The following NEB variants were observed in gnomAD, a reference collection of about 807,000 sequenced individuals.
NEB encodes the protein nemaline myopathy type 2.
NEB carries 512 observed loss-of-function variants against 952.2 expected under a neutral mutation model. That is an observed-to-expected ratio of 0.54 (90% confidence interval 0.50 to 0.58). The LOEUF (loss-of-function observed/expected upper bound fraction) is 0.58, where lower values mean the gene tolerates loss of function less well. Ranked by LOEUF, NEB falls within the 20% of genes least tolerant of loss-of-function variation. The pLI is 0.00. For synonymous variants in NEB, 2,900 were observed against 3,149.8 expected, an observed-to-expected ratio of 0.92 and a Z score of 2.66; for missense variants, 8,428 against 9,231.1, an observed-to-expected ratio of 0.91 and a Z score of 3.56.
At chr2:151,689,861 G>A (rs1032624513) in intron 24 of NEB, 4 of 152,202 alleles carry the variant, frequency 2.6e-5, no homozygotes, top group Non-Finnish European at 5.9e-5. Context: ...TGACTTCTGA[G>A]TTATACTGAT....
intron 129 of NEB, 61 bp downstream of exon 129, chr2:151,551,677 G>T: frequency 2.3e-6 from 3 of 1,303,548 alleles, no homozygotes; most frequent in East Asian, 2.3e-5. Context: ...AGCTCAGCTT[G>T]CTTCCACAGA....
intron 71 of NEB, among the ~76,000 whole-genome samples, chr2:151,622,555 GCT>G (rs1431879885): frequency 1.3e-5 from 2 of 151,874 alleles, no homozygotes; most frequent in Admixed American, 1.3e-4. Flanking sequence ...GCTTTCTCTA[GCT>G]CTCTCTTTAT....
intron 60 of NEB, among the ~76,000 whole-genome samples, chr2:151,642,271 A>G (rs1211799809): frequency 6.6e-6 from 1 of 152,252 alleles, no homozygotes; most frequent in African/African-American, 2.4e-5. Flanking sequence ...GCTCAATTGT[A>G]TATGAGAGAT....
intron 48 of NEB, among the ~76,000 whole-genome samples, chr2:151,657,127 G>A (rs2099093886): frequency 6.6e-6 from 1 of 152,264 alleles, no homozygotes; most frequent in Middle Eastern, 3.4e-3. Flanking sequence ...GGTTGCGTGT[G>A]CAAGTTGGGG....
chr2:151,611,449 G>T (rs1215993730), intron 78 of NEB, among the ~76,000 whole-genome samples: 1 of 152,142 alleles, frequency 6.6e-6, no homozygotes, highest in Admixed American at 6.6e-5. Flanking sequence ...GTATAAAAGA[G>T]TTTCTAGAGT....
In NEB at chr2:151,565,813, T is replaced by C; in HGVS notation, c.18164A>G (p.Tyr6055Cys). 6 of 1,607,084 alleles carry C rather than the reference T, an allele frequency of 3.7e-6. No individual in the cohort carries two copies. The highest frequency in any genetic ancestry group is 5.1e-6 in the Non-Finnish European group (6 of 1,175,712). ...KAYDLQSDNV[Y>C]RADLEWLRGI... Reference sequence around the variant, plus strand: ...TCGGAGCCACTCCAGGTCAGCTCTGTAGACATTCTGAGAGCAGGAAGAGAG... The same window carrying C: ...TCGGAGCCACTCCAGGTCAGCTCTGCAGACATTCTGAGAGCAGGAAGAGAG... The change falls in exon 115 of 182, where the codon TAC becomes TGC. Residue 6055 changes from tyrosine (Y) to cysteine (C), a missense_variant. Tyr to Cys is a radical substitution (Grantham distance 194, BLOSUM62 -2). This residue lies in a region of NEB where 3,374 missense variants were observed against 3,651.5 expected (regional missense o/e 0.92). Transcript: ENST00000397345.
chr2:151,626,583 CTGG>C (rs1656486773), intron 70 of NEB, among the ~76,000 whole-genome samples: 1 of 151,906 alleles, frequency 6.6e-6, no homozygotes, highest in African/African-American at 2.4e-5. Context: ...GTCGCCCAGG[CTGG>C]AGTGCAGTGG....
chr2:151,725,021 G>C (rs1236255378), intron 6 of NEB, 60 bp from the exon 7 acceptor site: 2 of 1,312,882 alleles, frequency 1.5e-6, no homozygotes, highest in Non-Finnish European at 2.2e-6. Context: ...GTATATTAAG[G>C]AATTTCTTAT....
rs761668198 is a variant in NEB, at chr2:151,609,888, T to C, written c.12251A>G (p.Asn4084Ser). 5.0e-6 allele frequency: 8 copies of C among 1,613,570 alleles called. No homozygotes were observed. The highest frequency in any genetic ancestry group is 1.7e-4 in the Middle Eastern group (1 of 6,058). ...QTLVTDIDYR[N>S]YLHEWTCMPD... ...CATGCATGTCCATTCATGCAGGTAATTGCGATAATCAATGTCAGTGACCAA... is the reference window on the plus strand; with the variant it reads ...CATGCATGTCCATTCATGCAGGTAACTGCGATAATCAATGTCAGTGACCAA... The change falls in exon 81 of 182, where the codon AAT becomes AGT. Residue 4084 changes from asparagine (N) to serine (S), a missense_variant. Physicochemically the swap from Asn to Ser is conservative, Grantham distance 46. Coordinates refer to ENST00000397345, the MANE Select transcript of NEB (RefSeq NM_001164508.2).
In NEB at chr2:151,490,086, AAGG is replaced by A. The variant is rs1296705502; in HGVS notation, c.25298-12_25298-10del. 9 of 1,590,172 alleles carry A rather than the reference AAGG, an allele frequency of 5.7e-6. No individual in the cohort carries two copies. The highest frequency in any genetic ancestry group is 1.4e-5 in the African/African-American group (1 of 73,990). ...TTTTGCATGTTTGTAAGCTGAAAAA[AAGG>A]GGGCAAATTCTTTATAAGAAGAAAA... On this transcript the variant is annotated splice_polypyrimidine_tract_variant and intron_variant, in intron 180 of 181. Transcript: ENST00000397345.
chr2:151,610,174 T>C (rs2153972785), intron 80 of NEB, 54 bp from the exon 81 acceptor site: 3 of 1,423,698 alleles, frequency 2.1e-6, no homozygotes, highest in East Asian at 4.6e-5. Context: ...CATGCTCATG[T>C]GCTGACAATT....
At chr2:151,532,204 C>A (rs945589430) in intron 143 of NEB, 6 of 226,354 alleles carry the variant, frequency 2.7e-5, no homozygotes, top group African/African-American at 1.4e-4. Flanking sequence ...TCAAGCAATT[C>A]TTCTGCCTCA....
intron 142 of NEB, among the ~76,000 whole-genome samples, chr2:151,534,656 A>C (rs1193507186): frequency 2.6e-5 from 4 of 152,230 alleles, no homozygotes; most frequent in Non-Finnish European, 5.9e-5. Context: ...CTACAGCTTT[A>C]CCAACTAAGG....
chr2:151,506,714 C>G (rs549650292), intron 163 of NEB, among the ~76,000 whole-genome samples, 195 bp downstream of exon 163: 38 of 152,228 alleles, frequency 2.5e-4, no homozygotes, highest in African/African-American at 8.9e-4. Flanking sequence ...ACGTTGTTAG[C>G]AGATTTAAAG....
chr2:151,535,650 G>T, intron 142 of NEB, 41 bp downstream of exon 142: 1 of 1,260,604 alleles, frequency 7.9e-7, no homozygotes, highest in Non-Finnish European at 1.1e-6. Flanking sequence ...CTTCTTTAGG[G>T]AATTGAATAG....
intron 164 of NEB, chr2:151,505,951 T>C: frequency 1.7e-6 from 1 of 589,158 alleles, no homozygotes; most frequent in East Asian, 2.8e-5. Context: ...CAAGCCTCTC[T>C]GTTTTTCAGA....
rs201515651 is a variant in NEB at position 151,553,455 on chromosome 2, G to A, written c.19674C>T (p.Tyr6558=). 136 of 1,613,700 alleles carry A rather than the reference G, an allele frequency of 8.4e-5. No homozygotes were observed. Among genetic ancestry groups the A allele is most frequent in the Non-Finnish European group, 1.0e-4 (122 of 1,179,700 alleles). Residue 6558 remains tyrosine (Y), a synonymous_variant, in exon 127 of 182, where the codon TAC becomes TAT. Coordinates refer to ENST00000397345, the MANE Select transcript of NEB (RefSeq NM_001164508.2). ...GGAGGATTTCAGGAGTGTCCCAGAC[G>A]TAGCAACCAATGCCTTTCAGCCAGT... ...DLNWLKGIGC[Y]VWDTPEILHA...
rs1460925488 is a variant in NEB, at chr2:151,535,697, C to G, written c.21306G>C (p.Met7102Ile). 2 of 1,596,476 alleles carry G rather than the reference C, an allele frequency of 1.3e-6. No homozygotes were observed. The highest frequency in any genetic ancestry group is 1.3e-5 in the African/African-American group (1 of 74,624). The change falls in exon 142 of 182, where the codon ATG (methionine) becomes ATC (isoleucine). Residue 7102 changes from methionine to isoleucine, a missense_variant. This residue lies in a region of NEB where 3,374 missense variants were observed against 3,651.5 expected (regional missense o/e 0.92). Coordinates refer to ENST00000397345, the MANE Select transcript of NEB (RefSeq NM_001164508.2). ...NRHFKYATQL[M>I]NERKYKSSAK... ...GCAGTTTATTCATACATACCTCATT[C>G]ATCAATTGAGTTGCATACTTGAAAT...
In NEB at chr2:151,619,752, T is replaced by C. The variant is rs1320194194; in HGVS notation, c.10571A>G (p.Lys3524Arg). The C allele has an allele frequency of 1.9e-6, 3 of 1,609,840 alleles. No individual in the cohort carries two copies. Among genetic ancestry groups the C allele is most frequent in the Middle Eastern group, 1.7e-4 (1 of 6,046 alleles). Residue 3524 changes from lysine to arginine, a missense_variant, in exon 73 of 182, where the codon AAA (lysine) becomes AGA (arginine). By Grantham distance (26) the Lys-to-Arg change is conservative. Around this residue, in one of 11 missense-constraint regions of NEB, gnomAD observed 1,772 missense variants for 1,960.3 expected, o/e 0.90. Coordinates refer to ENST00000397345, the MANE Select transcript of NEB (RefSeq NM_001164508.2). ...ACCCAACTGTTTACGATATGCTTCT[T>C]TGTATTTGTACTGAAAGAGAGAATC... ...SRDIASDYKY[K>R]EAYRKQLGHH...
Sources: gnomAD v4.1 joint callset for allele counts (sites outside exome capture counted in the v4.1 genomes callset) on GRCh38, gnomAD v4.1.1 for gene constraint, gnomAD v4.1.1 regional missense constraint, MANE v1.5 for transcripts, NCBI Gene and HGNC (gene_info 2026-07-23, HGNC 2026-07-21) for gene names.